MOXD1: variants seen among roughly 807,000 people sequenced by gnomAD.
MOXD1 encodes the protein monooxygenase DBH like 1.
A neutral mutation model predicts 66.6 loss-of-function variants in MOXD1; 62 were observed. That is an observed-to-expected ratio of 0.93 (90% confidence interval 0.76 to 1.15). The LOEUF is 1.15. Ranked by LOEUF, MOXD1 falls within the 50% of genes most tolerant of loss-of-function variation. The pLI, the probability that MOXD1 is intolerant of heterozygous loss-of-function variation, is 0.00. For missense variants in MOXD1, 847 were observed against 754.6 expected (o/e 1.12, Z -1.44); for synonymous variants, 303 against 281.9 (o/e 1.07, Z -0.75).
chr6:132,371,294 C>T (rs549974892), intron 4 of MOXD1, among the ~76,000 whole-genome samples: 223 of 152,174 alleles, frequency 1.5e-3, no homozygotes, highest in Non-Finnish European at 2.4e-3. Flanking sequence ...TTCCCCTTTT[C>T]CATACACAAA....
At chr6:132,323,855 C>A (rs188837948) in intron 7 of MOXD1, 76 bp downstream of exon 7, 1 of 1,404,786 alleles carries the variant, frequency 7.1e-7, no homozygotes, top group Non-Finnish European at 9.5e-7. Context: ...TAAACATGTG[C>A]GGAATTTTTC....
At chr6:132,375,747 A>T (rs959399001) in intron 1 of MOXD1, among the ~76,000 whole-genome samples, 1 of 152,162 alleles carries the variant, frequency 6.6e-6, no homozygotes, top group Non-Finnish European at 1.5e-5. Flanking sequence ...TGGGAGGCAG[A>T]CCAGTGCAGT....
chr6:132,365,550 T>A (rs1776103761), intron 4 of MOXD1, among the ~76,000 whole-genome samples: 1 of 152,184 alleles, frequency 6.6e-6, no homozygotes, highest in African/African-American at 2.4e-5. Context: ...GACAAGGAAT[T>A]TGAGGACCAG....
chr6:132,391,973 G>A, intron 1 of MOXD1: 1 of 509,904 alleles, frequency 2.0e-6, no homozygotes, highest in Non-Finnish European at 3.4e-6. Context: ...ACTTGGAGAA[G>A]TCTCTTCGTT....
At chr6:132,369,577 T>C (rs928351498) in intron 4 of MOXD1, among the ~76,000 whole-genome samples, 14 of 152,030 alleles carry the variant, frequency 9.2e-5, no homozygotes, top group African/African-American at 4.8e-5. Context: ...TCATTACTCT[T>C]GTGCTTTGGG....
At chr6:132,393,976 C>T (rs753285910) in intron 1 of MOXD1, among the ~76,000 whole-genome samples, 1 of 152,250 alleles carries the variant, frequency 6.6e-6, no homozygotes, top group East Asian at 1.9e-4. Flanking sequence ...ACCACAGCTA[C>T]TGCCATTGCC....
intron 4 of MOXD1, among the ~76,000 whole-genome samples, chr6:132,340,637 C>CTT (rs1582582157): frequency 3.9e-5 from 4 of 102,990 alleles, no homozygotes; most frequent in African/African-American, 2.5e-4. Flanking sequence ...CAACAAGACT[C>CTT]ATTTTTTTTT....
intron 4 of MOXD1, among the ~76,000 whole-genome samples, chr6:132,349,113 C>T (rs1775730279): frequency 6.6e-6 from 1 of 151,554 alleles, no homozygotes; most frequent in African/African-American, 2.4e-5. Flanking sequence ...TATTTGTAGT[C>T]TTTTTATCCC....
At chr6:132,322,308 T>C (rs1423873801) in intron 8 of MOXD1, among the ~76,000 whole-genome samples, 3 of 152,190 alleles carry the variant, frequency 2.0e-5, no homozygotes, top group Non-Finnish European at 1.5e-5. Flanking sequence ...TCCTATCTCT[T>C]CAACATAGCA....
At chr6:132,324,157 G>A in intron 6 of MOXD1, 60 bp from the exon 7 acceptor site, 1 of 1,515,788 alleles carries the variant, frequency 6.6e-7, no homozygotes, top group Non-Finnish European at 9.0e-7. Flanking sequence ...TCATTCCCAA[G>A]AAAATTCTTG....
At position 132,385,461 on chromosome 6, in the gene MOXD1, AATTATTATTATT is replaced by A. The variant is rs71030795; in HGVS notation, c.265-10696_265-10685del. The stretch of plus-strand genomic sequence containing the variant: ...CTATAGAGAATTCAAAATATACTGA[AATTATTATTATT>A]ATTATTATTATTATTATTATTATTA... On this transcript the variant is annotated intron_variant, in intron 1 of 11. Coordinates refer to ENST00000367963, the MANE Select transcript of MOXD1 (RefSeq NM_015529.4). Among the ~76,000 whole-genome samples, 44 of 133,598 alleles carry A rather than the reference AATTATTATTATT, an allele frequency of 3.3e-4. 1 individual carries two copies. The South Asian group carries it at 4.7e-3, about 14-fold the overall frequency. The allele number at this position is 133,598 out of a possible 152,430, so 87.6% of individuals were successfully genotyped here. A position where few individuals can be genotyped will look rare whatever the true frequency, so the allele number is the denominator to read the frequency against.
chr6:132,380,200 G>T (rs140483085), intron 1 of MOXD1, among the ~76,000 whole-genome samples: 1 of 152,188 alleles, frequency 6.6e-6, no homozygotes, highest in Non-Finnish European at 1.5e-5. Context: ...TACATACTCT[G>T]TCATAGTCTT....
At chr6:132,372,221 G>A (rs1380372714) in intron 4 of MOXD1, among the ~76,000 whole-genome samples, 2 of 152,034 alleles carry the variant, frequency 1.3e-5, no homozygotes, top group Non-Finnish European at 2.9e-5. Context: ...TGTTTTCAAT[G>A]AAGCAGATGT....
chr6:132,312,820 T>C (rs1183418679), intron 10 of MOXD1, among the ~76,000 whole-genome samples: 3 of 150,354 alleles, frequency 2.0e-5, no homozygotes, highest in African/African-American at 7.3e-5. Context: ...AAAAAAAAAA[T>C]AGGCCATAGA....
At chr6:132,300,088 C>G (rs932790586) in intron 10 of MOXD1, among the ~76,000 whole-genome samples, 1 of 151,982 alleles carries the variant, frequency 6.6e-6, no homozygotes, top group Non-Finnish European at 1.5e-5. Flanking sequence ...TAGATCTTTA[C>G]ATTTTTCATA....
chr6:132,327,963 C>A (rs1288344515), intron 6 of MOXD1, 50 bp downstream of exon 6: 5 of 1,483,504 alleles, frequency 3.4e-6, no homozygotes, highest in Non-Finnish European at 2.8e-6. Flanking sequence ...TTACAAGGTA[C>A]AAAACTTTTT....
intron 1 of MOXD1, among the ~76,000 whole-genome samples, chr6:132,386,343 A>G (rs1367288798): frequency 1.3e-5 from 2 of 149,416 alleles, no homozygotes; most frequent in East Asian, 2.0e-4. Flanking sequence ...CGGAGCTTGC[A>G]GTGAGCCGAG....
chr6:132,299,887 TCC>T (rs1360196638), intron 10 of MOXD1, among the ~76,000 whole-genome samples: 13 of 146,152 alleles, frequency 8.9e-5, no homozygotes, highest in East Asian at 4.4e-4. Flanking sequence ...CATTTCTCTC[TCC>T]CTCTCTCTCT....
chr6:132,374,518 T>A lies in MOXD1; in HGVS notation c.411+113A>T, dbSNP rs978687461. ...AAAACTAAAAAAAATCAAAAAAGAT[T>A]TCAAAAATATTAGAAAAAAGACTAT... On this transcript the variant is annotated intron_variant, in intron 2 of 11. Transcript: ENST00000367963. 7 of 1,063,428 alleles carry A rather than the reference T, an allele frequency of 6.6e-6. No individual in the cohort carries two copies. In the East Asian group the frequency reaches 2.1e-4, roughly 32 times the overall value. 65.9% of individuals were successfully genotyped at this position (1,063,428 alleles called of 1,614,324 possible).
Sources: gnomAD v4.1 joint callset for allele counts (sites outside exome capture counted in the v4.1 genomes callset) on GRCh38, gnomAD v4.1.1 for gene constraint, MANE v1.5 for transcripts, NCBI Gene and HGNC (gene_info 2026-07-23, HGNC 2026-07-21) for gene names.